Variants in TULP4 observed in about 807,000 individuals in gnomAD.
The protein encoded by TULP4 is TUB like protein 4, also known as tubby-related protein 4.
In TULP4, 16 loss-of-function variants were observed where a neutral mutation model predicts 129.0. The observed-to-expected ratio is 0.12, with a 90% CI of 0.08 to 0.19. The LOEUF (loss-of-function observed/expected upper bound fraction) is 0.19. TULP4 is among the 10% of genes least tolerant of loss of function. The pLI, the probability that TULP4 is intolerant of heterozygous loss-of-function variation, is 1.00. For missense variants in TULP4, 1,842 were observed against 2,059.1 expected, an observed-to-expected ratio of 0.89 and a Z score of 2.04; for synonymous variants, 998 against 854.0, an observed-to-expected ratio of 1.17 and a Z score of -2.94.
At chr6:158,296,768 C>T (rs1023454192) in intron 1 of TULP4, among the ~76,000 whole-genome samples, 15 of 152,024 alleles carry the variant, frequency 9.9e-5, no homozygotes, top group African/African-American at 3.4e-4. Context: ...TCCATGATGC[C>T]CCCTGAGCCT....
chr6:158,317,118 G>A (rs550580748), intron 1 of TULP4, among the ~76,000 whole-genome samples: 9 of 152,290 alleles, frequency 5.9e-5, no homozygotes, highest in Admixed American at 5.9e-4. Flanking sequence ...TTCACAGACA[G>A]TAGTCTGGCT....
chr6:158,270,021 T>TAA (rs1397792532), intron 1 of TULP4, among the ~76,000 whole-genome samples: 1 of 152,238 alleles, frequency 6.6e-6, no homozygotes, highest in African/African-American at 2.4e-5. Flanking sequence ...CTAATTGTTT[T>TAA]AAAGTTAAAT....
At chr6:158,340,945 T>G (rs753046779) in intron 1 of TULP4, among the ~76,000 whole-genome samples, 3 of 152,190 alleles carry the variant, frequency 2.0e-5, no homozygotes, top group Admixed American at 6.5e-5. Flanking sequence ...CTCTGTTTTT[T>G]TGTGTGTGTT....
chr6:158,315,264 C>CG, intron 1 of TULP4, among the ~76,000 whole-genome samples: 1 of 151,678 alleles, frequency 6.6e-6, no homozygotes, highest in Non-Finnish European at 1.5e-5. Flanking sequence ...TCTCAAGATC[C>CG]GGGGCTAGTA....
chr6:158,411,982 G>T (rs1778109911), intron 1 of TULP4, among the ~76,000 whole-genome samples: 1 of 152,170 alleles, frequency 6.6e-6, no homozygotes, highest in Non-Finnish European at 1.5e-5. Flanking sequence ...ACAAAATGCT[G>T]GGAGTAGACA....
chr6:158,444,264 TTTAA>T (rs1240053217), intron 3 of TULP4, among the ~76,000 whole-genome samples: 2 of 133,078 alleles, frequency 1.5e-5, no homozygotes, highest in African/African-American at 5.5e-5. Context: ...TTTTTTTTTT[TTTAA>T]CTTTTGCCGC....
At chr6:158,272,561 C>G (rs1216475248) in intron 1 of TULP4, among the ~76,000 whole-genome samples, 2 of 152,110 alleles carry the variant, frequency 1.3e-5, no homozygotes, top group African/African-American at 4.8e-5. Context: ...CTTTAGAGAG[C>G]TTACAATTAA....
At position 158,510,033 on chromosome 6, in the gene TULP4, A is replaced by G. The variant is rs1248298958; in HGVS notation, c.*3339A>G. 6.6e-6 allele frequency: 1 copy of G among 152,572 alleles called. No individual in the cohort carries two copies. The highest frequency in any genetic ancestry group is 1.5e-5 in the Non-Finnish European group (1 of 68,042). 9.5% of individuals were successfully genotyped at this position (152,572 alleles called of 1,614,324 possible). On this transcript the variant is annotated 3_prime_UTR_variant, in exon 14 of 14. Transcript: ENST00000367097. ...CAGTAAAAGGTTAACTGTATAAAGAATCTATGACTTTTTGAGGGAAGTGTG... is the reference window on the plus strand; with the variant it reads ...CAGTAAAAGGTTAACTGTATAAAGAGTCTATGACTTTTTGAGGGAAGTGTG...
intron 3 of TULP4, among the ~76,000 whole-genome samples, chr6:158,444,088 C>CGG (rs1268730332): frequency 1.1e-3 from 167 of 151,760 alleles, no homozygotes; most frequent in African/African-American, 2.7e-3. Context: ...GGCGTGGTGG[C>CGG]GCAAGCCTGT....
At chr6:158,247,944 T>G (rs1778057649) in intron 1 of TULP4, among the ~76,000 whole-genome samples, 1 of 152,174 alleles carries the variant, frequency 6.6e-6, no homozygotes, top group Admixed American at 6.5e-5. Flanking sequence ...CAAATGACCC[T>G]CTTAGCCACA....
At chr6:158,253,058 G>A (rs186056313) in intron 1 of TULP4, among the ~76,000 whole-genome samples, 1 of 152,270 alleles carries the variant, frequency 6.6e-6, no homozygotes, top group East Asian at 1.9e-4. Context: ...AAGAAACTTG[G>A]GCATAGAAAT....
At chr6:158,266,955 A>G (rs1413435479) in intron 1 of TULP4, among the ~76,000 whole-genome samples, 4 of 152,192 alleles carry the variant, frequency 2.6e-5, no homozygotes, top group Admixed American at 2.0e-4. Flanking sequence ...GTGCCCATCA[A>G]ACACTTCCCT....
At chr6:158,391,495 A>C (rs1048105164) in intron 1 of TULP4, among the ~76,000 whole-genome samples, 2 of 152,248 alleles carry the variant, frequency 1.3e-5, no homozygotes, top group Non-Finnish European at 2.9e-5. Context: ...AAACCTACAA[A>C]GGCAAAGTTG....
chr6:158,392,408 A>G (rs1199040213), intron 1 of TULP4, among the ~76,000 whole-genome samples: 1 of 152,222 alleles, frequency 6.6e-6, no homozygotes, highest in Non-Finnish European at 1.5e-5. Context: ...GCCTACCTGT[A>G]GCTTATGCAA....
intron 5 of TULP4, among the ~76,000 whole-genome samples, chr6:158,454,425 T>C (rs1046680516): frequency 6.6e-6 from 1 of 152,224 alleles, no homozygotes; most frequent in Non-Finnish European, 1.5e-5. Flanking sequence ...CTGCCTCTAG[T>C]TCAGGAATCC....
At chr6:158,245,487 CAGAT>C (rs1778011552) in intron 1 of TULP4, among the ~76,000 whole-genome samples, 1 of 151,952 alleles carries the variant, frequency 6.6e-6, no homozygotes, top group Non-Finnish European at 1.5e-5. Context: ...TATGTCCTCT[CAGAT>C]AGCCTATGTA....
Position 158,510,136 on chromosome 6 carries a change from A to C in TULP4, c.*3442A>C, listed in dbSNP as rs1018368612. 5 of 152,662 alleles carry C rather than the reference A, an allele frequency of 3.3e-5. No individual in the cohort carries two copies. The highest frequency in any genetic ancestry group is 7.3e-5 in the Non-Finnish European group (5 of 68,038). 9.5% of individuals were successfully genotyped at this position (152,662 alleles called of 1,614,324 possible). A position where few individuals can be genotyped will look rare whatever the true frequency, so the allele number is the denominator to read the frequency against. ...AAACCAAAGGCACAGATTTGTGTACAATATACCCATTGAATGTATATCCTG... is the reference window on the plus strand; with the variant it reads ...AAACCAAAGGCACAGATTTGTGTACCATATACCCATTGAATGTATATCCTG... On this transcript the variant is annotated 3_prime_UTR_variant, in exon 14 of 14. Coordinates refer to ENST00000367097, the MANE Select transcript of TULP4 (RefSeq NM_020245.5).
In TULP4 at chr6:158,365,899, C is replaced by CTTTTTTT. The variant is rs5881257; in HGVS notation, c.253-47151_253-47145dup. Among the ~76,000 whole-genome samples the CTTTTTTT allele has an allele frequency of 2.3e-4, 13 of 57,564 alleles. 1 individual carries two copies. The highest frequency in any genetic ancestry group is 1.1e-3 in the South Asian group (1 of 938). 37.8% of individuals were successfully genotyped at this position (57,564 alleles called of 152,430 possible). ...TCTTTTTTTTTTTTTCTTTTTCTTT[C>CTTTTTTT]TTTTTTTTTTTTTTTTTTTTTGAGA... is the stretch of plus-strand genomic sequence containing the variant. On this transcript the variant is annotated intron_variant, in intron 1 of 13. Transcript: ENST00000367097.
chr6:158,430,602 G>A (rs1171015300), intron 3 of TULP4, among the ~76,000 whole-genome samples: 1 of 151,996 alleles, frequency 6.6e-6, no homozygotes, highest in African/African-American at 2.4e-5. Context: ...ACAAAAATTA[G>A]CCAGGCATGA....
Sources: allele counts gnomAD v4.1 joint callset (sites outside exome capture counted in the v4.1 genomes callset), GRCh38; gene constraint gnomAD v4.1.1; transcripts MANE v1.5; gene names NCBI Gene and HGNC (gene_info 2026-07-23, HGNC 2026-07-21).